The following USP25 variants were observed in gnomAD, a reference collection of about 807,000 sequenced individuals.
The protein encoded by USP25 is ubiquitin specific peptidase 25.
Under a neutral mutation model 158.5 loss-of-function variants are expected in USP25, and 85 were observed. The ratio of observed to expected loss-of-function variants is 0.54; its 90% confidence interval spans 0.45 to 0.64. USP25 has a LOEUF of 0.64. USP25 is among the 30% of genes least tolerant of loss of function. The pLI, the probability that USP25 is intolerant of heterozygous loss-of-function variation, is 0.00. For synonymous variants in USP25, 464 were observed against 460.4 expected, an observed-to-expected ratio of 1.01 and a Z score of -0.10; for missense variants, 1,242 against 1,327.3, an observed-to-expected ratio of 0.94 and a Z score of 1.00.
At chr21:15,761,711 C>G (rs950242074) in intron 1 of USP25, among the ~76,000 whole-genome samples, 1 of 152,200 alleles carries the variant, frequency 6.6e-6, no homozygotes, top group African/African-American at 2.4e-5. Context: ...AGAAGAAATG[C>G]AAACCCTGGA....
intron 7 of USP25, among the ~76,000 whole-genome samples, chr21:15,808,267 G>C (rs1319508169): frequency 1.3e-5 from 2 of 152,168 alleles, no homozygotes; most frequent in Non-Finnish European, 2.9e-5. Flanking sequence ...GGAGAGCAAA[G>C]ACCAAAGGCA....
At chr21:15,810,118 G>A (rs965988374) in intron 8 of USP25, among the ~76,000 whole-genome samples, 2 of 152,050 alleles carry the variant, frequency 1.3e-5, no homozygotes, top group Admixed American at 1.3e-4. Flanking sequence ...ACAGTTAAAG[G>A]GTTATGTACA....
chr21:15,846,122 G>GTATATATATATATA (rs34210530), intron 18 of USP25, among the ~76,000 whole-genome samples: 1 of 55,708 alleles, frequency 1.8e-5, no homozygotes, highest in South Asian at 1.0e-3. Flanking sequence ...GTGTGTGTGT[G>GTATATATATATATA]TATATATATA....
intron 9 of USP25, among the ~76,000 whole-genome samples, chr21:15,817,097 G>C (rs957371846): frequency 6.6e-6 from 1 of 151,556 alleles, no homozygotes; most frequent in African/African-American, 2.4e-5. Flanking sequence ...ACACCACTGA[G>C]CTCCAGACTG....
At chr21:15,745,153 A>C (rs1205928413) in intron 1 of USP25, 1 of 152,300 alleles carries the variant, frequency 6.6e-6, no homozygotes, top group Non-Finnish European at 1.5e-5. Context: ...GGAGGCAGGC[A>C]GGGGATGTTG....
intron 10 of USP25, among the ~76,000 whole-genome samples, chr21:15,821,906 G>A (rs2037255120): frequency 6.6e-6 from 1 of 151,852 alleles, no homozygotes; most frequent in African/African-American, 2.4e-5. Flanking sequence ...TTTGTTAACA[G>A]GTGAGATTTC....
At chr21:15,791,428 G>T in intron 4 of USP25, 74 bp from the exon 5 acceptor site, 3 of 1,371,492 alleles carry the variant, frequency 2.2e-6, no homozygotes, top group Non-Finnish European at 2.9e-6. Context: ...TAATGAAAAT[G>T]CTTTTAGAAT....
intron 1 of USP25, among the ~76,000 whole-genome samples, chr21:15,739,319 T>C (rs1009157472): frequency 1.3e-5 from 2 of 152,212 alleles, no homozygotes; most frequent in African/African-American, 4.8e-5. Flanking sequence ...AATATTTACA[T>C]GTGTTAGTTG....
chr21:15,854,452 G>GA (rs918121772), intron 20 of USP25, among the ~76,000 whole-genome samples: 2 of 150,788 alleles, frequency 1.3e-5, no homozygotes, highest in African/African-American at 4.9e-5. Flanking sequence ...CCGTGTTTTT[G>GA]TTTTTTTTTA....
intron 1 of USP25, among the ~76,000 whole-genome samples, chr21:15,732,155 A>G (rs1029804690): frequency 3.9e-5 from 6 of 152,204 alleles, no homozygotes; most frequent in Admixed American, 6.5e-5. Context: ...TCCTACTTTA[A>G]TGAATCCCCT....
intron 20 of USP25, among the ~76,000 whole-genome samples, chr21:15,862,580 T>TC (rs2039473771): frequency 6.6e-6 from 1 of 150,810 alleles, no homozygotes. Flanking sequence ...CGTTTTTTTT[T>TC]TTTTTTCCGA....
At chr21:15,848,556 G>T (rs1377449917) in intron 19 of USP25, among the ~76,000 whole-genome samples, 1 of 152,036 alleles carries the variant, frequency 6.6e-6, no homozygotes, top group East Asian at 1.9e-4. Context: ...GGGGGAGGGG[G>T]GTGATTTGGA....
At chr21:15,752,691 T>C (rs1420827917) in intron 1 of USP25, among the ~76,000 whole-genome samples, 4 of 152,238 alleles carry the variant, frequency 2.6e-5, no homozygotes, top group African/African-American at 9.6e-5. Context: ...ATTTCTTTTT[T>C]CTGGATTGCA....
At chr21:15,862,383 A>G (rs1352078033) in intron 20 of USP25, among the ~76,000 whole-genome samples, 1 of 152,060 alleles carries the variant, frequency 6.6e-6, no homozygotes, top group Non-Finnish European at 1.5e-5. Flanking sequence ...CCAAAATCTG[A>G]AAAAAATCTA....
At chr21:15,748,950 T>C (rs1227936041) in intron 1 of USP25, among the ~76,000 whole-genome samples, 1 of 152,210 alleles carries the variant, frequency 6.6e-6, no homozygotes, top group South Asian at 2.1e-4. Flanking sequence ...ACCATTATTG[T>C]AGAGTGAGTG....
chr21:15,820,327 G>A (rs770784536), intron 10 of USP25, among the ~76,000 whole-genome samples: 1 of 151,720 alleles, frequency 6.6e-6, no homozygotes, highest in African/African-American at 2.4e-5. Flanking sequence ...AATTTTTATT[G>A]TACACAGAAT....
intron 1 of USP25, among the ~76,000 whole-genome samples, chr21:15,759,104 C>T (rs1378160674): frequency 3.3e-5 from 5 of 151,962 alleles, no homozygotes; most frequent in Admixed American, 3.3e-4. Flanking sequence ...ATTTGGAGTG[C>T]TGGTAGCAGT....
chr21:15,868,072 C>G (rs2039733627), intron 22 of USP25, among the ~76,000 whole-genome samples: 1 of 152,018 alleles, frequency 6.6e-6, no homozygotes, highest in Non-Finnish European at 1.5e-5. Context: ...AGTTAGTGAA[C>G]AGTATAAAGA....
At chr21:15,812,172 AT>A (rs2036697384) in intron 9 of USP25, among the ~76,000 whole-genome samples, 1 of 151,026 alleles carries the variant, frequency 6.6e-6, no homozygotes, top group African/African-American at 2.4e-5. Context: ...TATGTAGAAT[AT>A]TTTACATAGT....
Sources: allele counts gnomAD v4.1 joint callset (sites outside exome capture counted in the v4.1 genomes callset), GRCh38; gene constraint gnomAD v4.1.1; transcripts MANE v1.5; gene names NCBI Gene and HGNC (gene_info 2026-07-23, HGNC 2026-07-21).